Variants in SLC47A2 observed in about 807,000 individuals in gnomAD.
SLC47A2 encodes multidrug and toxin extrusion protein 2.
A neutral mutation model predicts 67.7 loss-of-function variants in SLC47A2; 52 were observed. The ratio of observed to expected loss-of-function variants is 0.77; its 90% CI spans 0.61 to 0.97. SLC47A2 has a LOEUF of 0.97. SLC47A2 is among the 50% of genes least tolerant of loss of function. SLC47A2 has a pLI of 0.00. For missense variants in SLC47A2, 676 were observed against 712.3 expected (o/e 0.95, Z 0.58); for synonymous variants, 278 against 292.9 (o/e 0.95, Z 0.52).
At chr17:19,694,304 A>T (rs1359209696) in intron 13 of SLC47A2, among the ~76,000 whole-genome samples, 1 of 152,202 alleles carries the variant, frequency 6.6e-6, no homozygotes, top group African/African-American at 2.4e-5. Context: ...AAAGGACCTA[A>T]AAGAGTCAAA....
At chr17:19,688,167 G>T (rs2085466172) in intron 13 of SLC47A2, among the ~76,000 whole-genome samples, 1 of 152,080 alleles carries the variant, frequency 6.6e-6, no homozygotes, top group Non-Finnish European at 1.5e-5. Context: ...AATTTATCAT[G>T]ACCAAGTGGG....
chr17:19,691,071 C>T lies in SLC47A2; in HGVS notation c.1165-9401G>A, dbSNP rs553774559. ...CTGGGAGGCGGAGGTTGCAGTGAGC[C>T]GAGATTGCGCTATTGTACTCCAGCC... On this transcript the variant is annotated intron_variant, in intron 13 of 16. Transcript: ENST00000433844. Among the ~76,000 whole-genome samples, 14 of 151,576 alleles carry T rather than the reference C, an allele frequency of 9.2e-5. No individual in the cohort carries two copies. In the South Asian group the frequency reaches 2.5e-3, roughly 27 times the overall value.
chr17:19,704,606 A>C, intron 10 of SLC47A2: 1 of 1,465,836 alleles, frequency 6.8e-7, no homozygotes. Flanking sequence ...GATTTTTGTG[A>C]CTCCTTTGCT....
At chr17:19,699,704 C>G (rs547386299) in intron 13 of SLC47A2, among the ~76,000 whole-genome samples, 253 of 152,302 alleles carry the variant, frequency 1.7e-3, no homozygotes, top group Admixed American at 2.9e-3. Flanking sequence ...GGCATGAGCT[C>G]TACTGCACCT....
intron 13 of SLC47A2, among the ~76,000 whole-genome samples, chr17:19,696,890 C>A (rs1267827109): frequency 6.6e-6 from 1 of 152,194 alleles, no homozygotes; most frequent in Non-Finnish European, 1.5e-5. Flanking sequence ...CTTGCTGTAT[C>A]ATCCCAATGC....
At chr17:19,693,222 A>G (rs1263703999) in intron 13 of SLC47A2, among the ~76,000 whole-genome samples, 1 of 152,176 alleles carries the variant, frequency 6.6e-6, no homozygotes, top group East Asian at 1.9e-4. Flanking sequence ...AATTAATGCA[A>G]AACACCATAT....
At chr17:19,703,782 T>A (rs1474425978) in intron 11 of SLC47A2, among the ~76,000 whole-genome samples, 9 of 152,028 alleles carry the variant, frequency 5.9e-5, no homozygotes, top group Non-Finnish European at 2.9e-5. Context: ...CTAAGGTAAG[T>A]GGTAGAAGCC....
At chr17:19,694,600 A>G (rs761630061) in intron 13 of SLC47A2, among the ~76,000 whole-genome samples, 14 of 152,170 alleles carry the variant, frequency 9.2e-5, no homozygotes, top group Non-Finnish European at 1.6e-4. Context: ...CCCTTACCTC[A>G]TATTATACAC....
Position 19,716,563 on chromosome 17 carries a change from CG to C in SLC47A2, c.-9del, listed in dbSNP as rs752571677. ...GTCCTGGAGGCTGTCCATTCCTGGC[CG>C]GGGCACTGGCTACCCTGCACGCCTG... On this transcript the variant is annotated 5_prime_UTR_variant, in exon 1 of 17. Coordinates refer to ENST00000433844, the MANE Select transcript of SLC47A2 (RefSeq NM_001099646.3). 4.4e-5 allele frequency: 70 copies of C among 1,596,308 alleles called. No individual in the cohort carries two copies. The highest frequency in any genetic ancestry group is 3.3e-4 in the Middle Eastern group (2 of 5,990).
chr17:19,704,919 G>C (rs929264334), intron 10 of SLC47A2: 1 of 422,484 alleles, frequency 2.4e-6, no homozygotes, highest in Non-Finnish European at 4.1e-6. Flanking sequence ...TCCGCCTCCC[G>C]GGTTCAAGTG....
rs751379530 is a variant in SLC47A2 at position 19,679,993 on chromosome 17, GTGCTCTC to G, written c.1432_1438del (p.Glu478LeufsTer25). 24 of 1,613,966 alleles carry G rather than the reference GTGCTCTC, an allele frequency of 1.5e-5. No homozygotes were observed. Among genetic ancestry groups the G allele is most frequent in the South Asian group, 4.4e-5 (4 of 91,080 alleles). On this transcript the variant is annotated frameshift_variant, in exon 16 of 17. Coordinates refer to ENST00000433844, the MANE Select transcript of SLC47A2 (RefSeq NM_001099646.3). LOFTEE classifies it low-confidence loss of function (END_TRUNC). ...TTTCTCAGGCCCAGGTCTGGTTGCAGTGCTCTCTGCTCTCTGCTGCTGCTGCCGGCCT... is the reference window on the plus strand; with the variant it reads ...TTTCTCAGGCCCAGGTCTGGTTGCAGTGCTCTCTGCTGCTGCTGCCGGCCT...
At chr17:19,680,968 C>T (rs1180238908) in intron 15 of SLC47A2, among the ~76,000 whole-genome samples, 1 of 152,068 alleles carries the variant, frequency 6.6e-6, no homozygotes, top group Non-Finnish European at 1.5e-5. Flanking sequence ...AATCCCAGCA[C>T]TTTGGGAGGC....
chr17:19,706,300 C>T (rs1042728974), intron 9 of SLC47A2, among the ~76,000 whole-genome samples: 2 of 152,206 alleles, frequency 1.3e-5, no homozygotes, highest in East Asian at 1.9e-4. Flanking sequence ...TGCTCACACC[C>T]GCAAACCAAC....
chr17:19,681,519 A>G lies in SLC47A2; in HGVS notation c.1297+19T>C. ...CCGACGACCACCCAGGCCTCTCCCG[A>G]CTTCCTCACACCACATACCCATGAT... is the stretch of plus-strand genomic sequence containing the variant. On this transcript the variant is annotated intron_variant, in intron 14 of 16. Coordinates refer to ENST00000433844, the MANE Select transcript of SLC47A2 (RefSeq NM_001099646.3). The G allele has an allele frequency of 6.2e-7, 1 of 1,614,128 alleles. No individual in the cohort carries two copies. Among genetic ancestry groups the G allele is most frequent in the Non-Finnish European group, 8.5e-7 (1 of 1,180,016 alleles).
chr17:19,691,492 C>T (rs2085539674), intron 13 of SLC47A2, among the ~76,000 whole-genome samples: 1 of 152,086 alleles, frequency 6.6e-6, no homozygotes, highest in African/African-American at 2.4e-5. Context: ...TGAAATAAGC[C>T]AGGCACAGAA....
At chr17:19,713,679 C>T (rs2086165292) in intron 4 of SLC47A2, 146 bp downstream of exon 4, 1 of 1,144,408 alleles carries the variant, frequency 8.7e-7, no homozygotes, top group Non-Finnish European at 1.2e-6. Flanking sequence ...CAAACCAAAG[C>T]CTGGAAGGTA....
chr17:19,696,436 T>C (rs2085665594), intron 13 of SLC47A2, among the ~76,000 whole-genome samples: 1 of 141,468 alleles, frequency 7.1e-6, no homozygotes, highest in South Asian at 2.2e-4. Context: ...CACTCCAGCC[T>C]GGCAACATAG....
intron 13 of SLC47A2, among the ~76,000 whole-genome samples, chr17:19,697,897 CTTAA>C (rs1181079333): frequency 2.6e-5 from 4 of 152,000 alleles, no homozygotes; most frequent in Non-Finnish European, 4.4e-5. Flanking sequence ...ACCTAGCCTA[CTTAA>C]TTTTTAAAAT....
chr17:19,716,484 G>A lies in SLC47A2; in HGVS notation c.72C>T (p.Pro24=). The change falls in exon 1 of 17, where the codon CCC becomes CCT. Residue 24 remains proline (P), a synonymous_variant. Transcript: ENST00000433844. ...GCCPALSRLV[P]RGFGTEMWTL... ...TCCACATCTCAGTCCCAAAGCCTCT[G>A]GGAACCAGCCTGCTGAGGGCAGGGC... 1 of 1,612,808 alleles carries A rather than the reference G, an allele frequency of 6.2e-7. No individual in the cohort carries two copies. The highest frequency in any genetic ancestry group is 8.5e-7 in the Non-Finnish European group (1 of 1,179,554).
Sources: gnomAD v4.1 joint callset for allele counts (sites outside exome capture counted in the v4.1 genomes callset) on GRCh38, gnomAD v4.1.1 for gene constraint, MANE v1.5 for transcripts, NCBI Gene and HGNC (gene_info 2026-07-23, HGNC 2026-07-21) for gene names.